Variants in BMP6 observed in about 807,000 individuals in gnomAD.
BMP6 encodes bone morphogenetic protein 6.
BMP6 carries 17 observed loss-of-function variants against 54.1 expected under a neutral mutation model. The observed-to-expected ratio is 0.31, with a 90% CI of 0.22 to 0.47. BMP6 has a LOEUF of 0.47. BMP6 is among the 20% of genes least tolerant of loss of function. The pLI is 1.00. For synonymous variants in BMP6, 328 were observed against 291.2 expected (o/e 1.13, Z -1.28); for missense variants, 720 against 690.4 (o/e 1.04, Z -0.48).
chr6:7,855,553 C>CTCTTT (rs1554125315), intron 2 of BMP6, among the ~76,000 whole-genome samples: 10 of 105,050 alleles, frequency 9.5e-5, no homozygotes, highest in East Asian at 3.0e-4. Flanking sequence ...CTCTCTCTCT[C>CTCTTT]TTTTTTTTTT....
intron 1 of BMP6, among the ~76,000 whole-genome samples, chr6:7,794,784 G>A (rs76859156): frequency 0.1 from 15,962 of 152,144 alleles, 1,088 homozygotes; most frequent in African/African-American, 0.2. Flanking sequence ...GCCCAGGGTC[G>A]TAAGTGATAG....
chr6:7,829,630 C>T (rs1408866679), intron 1 of BMP6, among the ~76,000 whole-genome samples: 1 of 152,144 alleles, frequency 6.6e-6, no homozygotes, highest in African/African-American at 2.4e-5. Context: ...TGCTTGGGCC[C>T]AGGAGGTCGA....
intron 2 of BMP6, among the ~76,000 whole-genome samples, chr6:7,858,258 A>AT (rs1224431507): frequency 6.6e-6 from 1 of 151,662 alleles, no homozygotes; most frequent in Non-Finnish European, 1.5e-5. Flanking sequence ...AAATTTTTGT[A>AT]TTTTTTTGTA....
At chr6:7,877,834 T>C (rs192394151) in intron 4 of BMP6, among the ~76,000 whole-genome samples, 19 of 152,324 alleles carry the variant, frequency 1.2e-4, no homozygotes, top group South Asian at 4.1e-4. Context: ...GACCTTTCTC[T>C]AAAGCCTTCT....
chr6:7,762,635 A>C (rs535857743), intron 1 of BMP6, among the ~76,000 whole-genome samples: 4 of 152,276 alleles, frequency 2.6e-5, no homozygotes, highest in Admixed American at 1.3e-4. Flanking sequence ...TTACTAAATA[A>C]ATATTCTTTC....
intron 2 of BMP6, among the ~76,000 whole-genome samples, chr6:7,846,140 G>C (rs1390765116): frequency 6.6e-6 from 1 of 152,158 alleles, no homozygotes; most frequent in African/African-American, 2.4e-5. Context: ...GTGTGTACAA[G>C]GTGGAAATTA....
intron 1 of BMP6, among the ~76,000 whole-genome samples, chr6:7,773,385 C>T (rs545337713): frequency 2.2e-4 from 33 of 152,262 alleles, no homozygotes; most frequent in Non-Finnish European, 4.3e-4. Context: ...AGTGTTCATT[C>T]GCCCCGGTGC....
intron 1 of BMP6, among the ~76,000 whole-genome samples, chr6:7,746,824 T>C (rs569991242): frequency 6.6e-6 from 1 of 152,328 alleles, no homozygotes; most frequent in South Asian, 2.1e-4. Context: ...CACGGGAAAC[T>C]TCATCAGTGA....
chr6:7,774,655 G>A (rs1757837896), intron 1 of BMP6, among the ~76,000 whole-genome samples: 1 of 152,224 alleles, frequency 6.6e-6, no homozygotes, highest in Non-Finnish European at 1.5e-5. Context: ...GTTGTAGTGA[G>A]CCCAGATCGT....
At chr6:7,826,157 TTCTC>T (rs910138510) in intron 1 of BMP6, among the ~76,000 whole-genome samples, 9 of 152,308 alleles carry the variant, frequency 5.9e-5, no homozygotes, top group African/African-American at 1.9e-4. Context: ...TTATGTGTCC[TTCTC>T]TCTCTGTCTG....
intron 1 of BMP6, among the ~76,000 whole-genome samples, chr6:7,819,696 C>A (rs141781421): frequency 6.6e-5 from 10 of 152,278 alleles, no homozygotes; most frequent in Non-Finnish European, 1.3e-4. Context: ...CCTCCAGTTA[C>A]CATTTTCTTC....
intron 1 of BMP6, among the ~76,000 whole-genome samples, chr6:7,780,266 G>A (rs1757922830): frequency 6.6e-6 from 1 of 152,174 alleles, no homozygotes; most frequent in Admixed American, 6.5e-5. Flanking sequence ...AAGCAAGGGA[G>A]GCTGGGCACG....
chr6:7,773,966 G>A (rs962185932), intron 1 of BMP6, among the ~76,000 whole-genome samples: 1 of 152,206 alleles, frequency 6.6e-6, no homozygotes, highest in Non-Finnish European at 1.5e-5. Flanking sequence ...AGGGCCAGGA[G>A]CCCTGAACAT....
At chr6:7,852,093 A>G (rs1234871514) in intron 2 of BMP6, among the ~76,000 whole-genome samples, 3 of 152,196 alleles carry the variant, frequency 2.0e-5, no homozygotes, top group East Asian at 1.9e-4. Flanking sequence ...AATTCTGGAC[A>G]TTAAGAAAAA....
intron 1 of BMP6, among the ~76,000 whole-genome samples, chr6:7,767,634 C>T (rs1757712280): frequency 6.6e-6 from 1 of 152,224 alleles, no homozygotes; most frequent in Admixed American, 6.5e-5. Flanking sequence ...TGAGCTCATT[C>T]AAGCCAGAGA....
intron 1 of BMP6, among the ~76,000 whole-genome samples, chr6:7,825,538 T>A (rs1266287975): frequency 6.6e-6 from 1 of 151,900 alleles, no homozygotes; most frequent in Non-Finnish European, 1.5e-5. Flanking sequence ...CTGACCAATA[T>A]GGTGAAACCC....
At chr6:7,762,141 C>T (rs563203766) in intron 1 of BMP6, among the ~76,000 whole-genome samples, 91 of 152,258 alleles carry the variant, frequency 6.0e-4, no homozygotes, top group Non-Finnish European at 4.0e-4. Flanking sequence ...AGGCTGGTCT[C>T]GAACTCCTGA....
intron 2 of BMP6, among the ~76,000 whole-genome samples, chr6:7,856,614 T>TTTTTTTTTTTTTTTTTTTTTG (rs1491363620): frequency 1.1e-5 from 1 of 95,160 alleles, no homozygotes; most frequent in African/African-American, 3.9e-5. Flanking sequence ...TTTTTTTTTT[T>TTTTTTTTTTTTTTTTTTTTTG]GAGACGGAGT....
chr6:7,755,923 G>T (rs1222683152), intron 1 of BMP6, among the ~76,000 whole-genome samples: 2 of 151,988 alleles, frequency 1.3e-5, no homozygotes, highest in African/African-American at 4.8e-5. Flanking sequence ...TACATAAATT[G>T]TCTTCTGTTA....
Sources: allele counts gnomAD v4.1 joint callset (sites outside exome capture counted in the v4.1 genomes callset), GRCh38; gene constraint gnomAD v4.1.1; transcripts MANE v1.5; gene names NCBI Gene and HGNC (gene_info 2026-07-23, HGNC 2026-07-21).